TOP6BL: variants seen among roughly 807,000 people sequenced by gnomAD.
The protein encoded by TOP6BL is TOP6B like initiator of meiotic double strand breaks.
chr11:66,759,129 T>TTA, the TOP6BL span: 3 of 1,351,782 alleles, frequency 2.2e-6, no homozygotes, highest in Non-Finnish European at 3.0e-6. Context: ...TGAGACTGAA[T>TTA]ATCTTCCCGA....
At chr11:66,789,635 G>A in the TOP6BL span, among the ~76,000 whole-genome samples, 1 of 152,258 alleles carries the variant, frequency 6.6e-6, no homozygotes, top group African/African-American at 2.4e-5. Context: ...ACCAAGAAGG[G>A]CAATTCTAGG....
At chr11:66,811,345 C>T in the TOP6BL span, among the ~76,000 whole-genome samples, 1 of 152,114 alleles carries the variant, frequency 6.6e-6, no homozygotes, top group Admixed American at 6.6e-5. Context: ...GTGCCCACCA[C>T]CATGGCCAGC....
the TOP6BL span, among the ~76,000 whole-genome samples, chr11:66,764,665 C>CAAA: frequency 7.7e-6 from 1 of 129,122 alleles, no homozygotes; most frequent in African/African-American, 2.9e-5. Flanking sequence ...ACTCCATCTC[C>CAAA]AAAAAAAAAA....
the TOP6BL span, chr11:66,800,581 A>G: frequency 7.5e-7 from 1 of 1,341,236 alleles, no homozygotes; most frequent in South Asian, 1.4e-5. Flanking sequence ...TTAGATATGG[A>G]AGTTTTTAAT....
At chr11:66,746,322 G>A in the TOP6BL span, among the ~76,000 whole-genome samples, 1 of 151,752 alleles carries the variant, frequency 6.6e-6, no homozygotes, top group South Asian at 2.1e-4. Flanking sequence ...GGCGCGGTGG[G>A]TAGCCTGTAT....
At chr11:66,811,569 T>C in the TOP6BL span, among the ~76,000 whole-genome samples, 1 of 152,182 alleles carries the variant, frequency 6.6e-6, no homozygotes, top group East Asian at 1.9e-4. Context: ...GTTTATAACA[T>C]CTATGGAAAT....
the TOP6BL span, among the ~76,000 whole-genome samples, chr11:66,784,733 T>C: frequency 6.6e-6 from 1 of 152,182 alleles, no homozygotes. Flanking sequence ...TTTTTATGGC[T>C]GAATACTCCC....
At chr11:66,768,474 C>T in the TOP6BL span, among the ~76,000 whole-genome samples, 1 of 152,010 alleles carries the variant, frequency 6.6e-6, no homozygotes, top group East Asian at 1.9e-4. Flanking sequence ...GACTTAGCCT[C>T]ATATACTAAG....
At chr11:66,823,366 T>C in the TOP6BL span, among the ~76,000 whole-genome samples, 1 of 152,050 alleles carries the variant, frequency 6.6e-6, no homozygotes, top group South Asian at 2.1e-4. Context: ...ATGTACAGTA[T>C]TTTTAGAAAC....
the TOP6BL span, among the ~76,000 whole-genome samples, chr11:66,777,081 A>ATATATCTATATATC: frequency 6.7e-6 from 1 of 149,182 alleles, no homozygotes. Context: ...CTATATCTAT[A>ATATATCTATATATC]TATATCTATA....
chr11:66,773,353 C>CTT, the TOP6BL span, among the ~76,000 whole-genome samples: 3 of 143,398 alleles, frequency 2.1e-5, no homozygotes, highest in Non-Finnish European at 3.1e-5. Context: ...TGCACCTGGC[C>CTT]TTTTTTTTTT....
the TOP6BL span, among the ~76,000 whole-genome samples, chr11:66,820,864 CTTTCTTAGATTTATGAGT>C: frequency 4.6e-5 from 7 of 152,210 alleles, no homozygotes; most frequent in East Asian, 5.8e-4. Flanking sequence ...TTTTCCTGAG[CTTTCTTAGATTTATGAGT>C]GGGAATTAGG....
At chr11:66,801,103 G>T in the TOP6BL span, 3 of 1,612,832 alleles carry the variant, frequency 1.9e-6, no homozygotes, top group Non-Finnish European at 1.7e-6. Context: ...ATTATGTGAG[G>T]TGAAGGCGTA....
the TOP6BL span, among the ~76,000 whole-genome samples, chr11:66,826,810 G>T: frequency 6.6e-6 from 1 of 151,412 alleles, no homozygotes; most frequent in Non-Finnish European, 1.5e-5. Context: ...AGCCTCCCCA[G>T]TAGCTGGGAT....
At chr11:66,843,300 A>G in the TOP6BL span, 74 of 1,569,560 alleles carry the variant, frequency 4.7e-5, no homozygotes, top group Non-Finnish European at 5.9e-5. Context: ...CCCGTGGTTT[A>G]ATAAAGCTGC....
At chr11:66,821,286 A>AT in the TOP6BL span, among the ~76,000 whole-genome samples, 26 of 106,320 alleles carry the variant, frequency 2.4e-4, no homozygotes, top group African/African-American at 7.3e-4. Flanking sequence ...ACATCTGGTA[A>AT]TTTTTTTTTT....
the TOP6BL span, among the ~76,000 whole-genome samples, chr11:66,839,944 G>C: frequency 6.6e-6 from 1 of 152,170 alleles, no homozygotes; most frequent in Non-Finnish European, 1.5e-5. Context: ...CCCAGGCTCA[G>C]GTGAGGCAGA....
the TOP6BL span, among the ~76,000 whole-genome samples, chr11:66,814,379 C>T: frequency 1.3e-5 from 2 of 152,156 alleles, no homozygotes; most frequent in Admixed American, 1.3e-4. Flanking sequence ...CTGCCTCACC[C>T]TTCCGAGTAG....
At chr11:66,760,444 C>CTT in the TOP6BL span, among the ~76,000 whole-genome samples, 1 of 139,406 alleles carries the variant, frequency 7.2e-6, no homozygotes, top group Non-Finnish European at 1.5e-5. Context: ...GTGAGAGACT[C>CTT]TGTCTCAAAA....
Sources: gnomAD v4.1 joint callset for allele counts (sites outside exome capture counted in the v4.1 genomes callset) on GRCh38, gnomAD v4.1.1 for gene constraint, MANE v1.5 for transcripts, NCBI Gene and HGNC (gene_info 2026-07-23, HGNC 2026-07-21) for gene names.